R3HDM1: variants seen among roughly 807,000 people sequenced by gnomAD.
R3HDM1 encodes the protein R3H domain containing 1.
A neutral mutation model predicts 141.1 loss-of-function variants in R3HDM1; 46 were observed. The observed-to-expected ratio is 0.33, with a 90% CI of 0.26 to 0.42. The LOEUF (loss-of-function observed/expected upper bound fraction) is 0.42. Ranked by LOEUF, R3HDM1 falls within the 10% of genes least tolerant of loss-of-function variation. The probability of loss-of-function intolerance (pLI) is 1.00; values close to 1 mark genes in which losing one functional copy is unlikely to be tolerated. For missense variants in R3HDM1, 1,184 were observed against 1,368.3 expected, an observed-to-expected ratio of 0.87 and a Z score of 2.12; for synonymous variants, 435 against 472.9, an observed-to-expected ratio of 0.92 and a Z score of 1.04.
At chr2:135,615,247 GT>G (rs60747062) in intron 3 of R3HDM1, among the ~76,000 whole-genome samples, 67 of 145,830 alleles carry the variant, frequency 4.6e-4, no homozygotes, top group Middle Eastern at 3.4e-3. Context: ...AAAATGATGG[GT>G]TTTTTTTTTT....
rs753938721 is a variant in R3HDM1 at position 135,631,790 on chromosome 2, A to G, written c.557+13A>G. The G allele has an allele frequency of 6.4e-7, 1 of 1,567,778 alleles. No homozygotes were observed. Among genetic ancestry groups the G allele is most frequent in the Non-Finnish European group, 8.6e-7 (1 of 1,159,086 alleles). ...TTGGTAATAATGAGTAAGTCCTGACATTCAACAAGAAAAGAAATTGTCATC... is the reference window on the plus strand; with the variant it reads ...TTGGTAATAATGAGTAAGTCCTGACGTTCAACAAGAAAAGAAATTGTCATC... On this transcript the variant is annotated intron_variant, in intron 8 of 26. Coordinates refer to ENST00000683871, the MANE Select transcript of R3HDM1 (RefSeq NM_001378107.1).
chr2:135,536,278 T>C (rs1696092196), intron 1 of R3HDM1, among the ~76,000 whole-genome samples: 1 of 152,186 alleles, frequency 6.6e-6, no homozygotes, highest in South Asian at 2.1e-4. Flanking sequence ...TAACTACGAC[T>C]ACAAACTTGT....
chr2:135,533,076 A>G (rs1246190460), intron 1 of R3HDM1, among the ~76,000 whole-genome samples: 2 of 152,212 alleles, frequency 1.3e-5, no homozygotes, highest in Admixed American at 1.3e-4. Flanking sequence ...TCTGTATTCC[A>G]TAACTAGTAC....
intron 3 of R3HDM1, chr2:135,605,765 G>C (rs1235643634): frequency 6.6e-6 from 1 of 151,816 alleles, no homozygotes; most frequent in African/African-American, 2.4e-5. Flanking sequence ...GCTCACTGCA[G>C]CCTCCCTCTC....
At chr2:135,541,356 C>T (rs753472978) in intron 1 of R3HDM1, among the ~76,000 whole-genome samples, 1 of 151,928 alleles carries the variant, frequency 6.6e-6, no homozygotes, top group Non-Finnish European at 1.5e-5. Context: ...TACAGGCGCC[C>T]GCCACCATGC....
chr2:135,602,806 T>A, intron 2 of R3HDM1, 98 bp downstream of exon 2: 1 of 1,020,056 alleles, frequency 9.8e-7, no homozygotes. Flanking sequence ...CACCACCCTC[T>A]CCCTACTTTG....
chr2:135,721,368 TG>T (rs2105469396), intron 24 of R3HDM1: 1 of 152,706 alleles, frequency 6.5e-6, no homozygotes, highest in South Asian at 2.1e-4. Flanking sequence ...CAGCTACTTG[TG>T]AGGCTGAGGC....
chr2:135,635,884 T>C lies in R3HDM1; in HGVS notation c.699-6T>C. On this transcript the variant is annotated splice_region_variant and splice_polypyrimidine_tract_variant and intron_variant, in intron 9 of 26. Coordinates refer to ENST00000683871, the MANE Select transcript of R3HDM1 (RefSeq NM_001378107.1). ...TGTTCCTTTGTTTTTGTTTTTGTTT[T>C]TTAAGACCTGATCAGAAATTTAATG... 6.3e-7 allele frequency: 1 copy of C among 1,580,980 alleles called. No individual in the cohort carries two copies. Among genetic ancestry groups the C allele is most frequent in the Non-Finnish European group, 8.6e-7 (1 of 1,168,684 alleles).
At chr2:135,637,033 G>A (rs1281005978) in intron 11 of R3HDM1, among the ~76,000 whole-genome samples, 1 of 152,172 alleles carries the variant, frequency 6.6e-6, no homozygotes, top group Non-Finnish European at 1.5e-5. Flanking sequence ...AGATCACACA[G>A]CTAGAAAATG....
chr2:135,552,722 C>G (rs1700058467), intron 1 of R3HDM1, among the ~76,000 whole-genome samples: 1 of 152,080 alleles, frequency 6.6e-6, no homozygotes, highest in Non-Finnish European at 1.5e-5. Flanking sequence ...CATTGGCACT[C>G]CAGTTTAAGT....
At chr2:135,558,929 A>C (rs1464832596) in intron 1 of R3HDM1, 1 of 822,372 alleles carries the variant, frequency 1.2e-6, no homozygotes, top group African/African-American at 1.8e-5. Context: ...CTTCTCTGAA[A>C]GTCAAAATGT....
intron 1 of R3HDM1, among the ~76,000 whole-genome samples, chr2:135,568,221 A>G (rs1183843210): frequency 1.3e-5 from 2 of 149,932 alleles, no homozygotes; most frequent in South Asian, 2.1e-4. Flanking sequence ...CATGTCCACT[A>G]ATTTTTTGTA....
chr2:135,551,479 CAAT>C (rs1257303365), intron 1 of R3HDM1, among the ~76,000 whole-genome samples: 2 of 149,720 alleles, frequency 1.3e-5, no homozygotes, highest in Non-Finnish European at 3.0e-5. Flanking sequence ...GTTTTTAAAA[CAAT>C]AATGAAAAAA....
chr2:135,592,135 G>A (rs1002343914), intron 1 of R3HDM1, among the ~76,000 whole-genome samples: 3 of 152,092 alleles, frequency 2.0e-5, no homozygotes, highest in African/African-American at 7.2e-5. Context: ...TAATTAACAT[G>A]TTTAGTCTTT....
chr2:135,660,345 T>C (rs1363069118), intron 18 of R3HDM1, among the ~76,000 whole-genome samples: 1 of 152,210 alleles, frequency 6.6e-6, no homozygotes, highest in Non-Finnish European at 1.5e-5. Context: ...CTGTTTCATA[T>C]ACATCTTATA....
chr2:135,698,147 T>G (rs1331702231), intron 21 of R3HDM1, among the ~76,000 whole-genome samples: 6 of 151,234 alleles, frequency 4.0e-5, no homozygotes, highest in Admixed American at 1.3e-4. Flanking sequence ...CAGGGATACT[T>G]CTTTTTTTTC....
At chr2:135,688,178 G>A (rs188213839) in intron 21 of R3HDM1, among the ~76,000 whole-genome samples, 86 of 152,216 alleles carry the variant, frequency 5.6e-4, no homozygotes, top group Non-Finnish European at 9.4e-4. Flanking sequence ...CACACTTTTT[G>A]GGTTTTTGTT....
At chr2:135,594,652 C>T (rs1435714401) in intron 1 of R3HDM1, among the ~76,000 whole-genome samples, 2 of 152,170 alleles carry the variant, frequency 1.3e-5, no homozygotes, top group African/African-American at 4.8e-5. Context: ...GGTATGAATT[C>T]CCTCCTTTTC....
At chr2:135,538,629 C>T (rs1003644018) in intron 1 of R3HDM1, among the ~76,000 whole-genome samples, 4 of 152,084 alleles carry the variant, frequency 2.6e-5, no homozygotes, top group Admixed American at 6.6e-5. Context: ...GTTTTTGAGA[C>T]GGAGTTTTGC....
Sources: gnomAD v4.1 joint callset for allele counts (sites outside exome capture counted in the v4.1 genomes callset) on GRCh38, gnomAD v4.1.1 for gene constraint, MANE v1.5 for transcripts, NCBI Gene and HGNC (gene_info 2026-07-23, HGNC 2026-07-21) for gene names.